The following DLGAP2 variants were observed in gnomAD, a reference collection of about 807,000 sequenced individuals.
The protein encoded by DLGAP2 is DLG associated protein 2, also known as disks large-associated protein 2.
In DLGAP2, 26 loss-of-function variants were observed where a neutral mutation model predicts 100.3. The ratio of observed to expected loss-of-function variants is 0.26; its 90% CI spans 0.19 to 0.36. DLGAP2 has a LOEUF of 0.36. DLGAP2 is among the 10% of genes least tolerant of loss of function. The probability of loss-of-function intolerance (pLI) is 1.00; values close to 1 mark genes in which losing one functional copy is unlikely to be tolerated. For synonymous variants in DLGAP2, 886 were observed against 630.1 expected (o/e 1.41, Z -6.08); for missense variants, 1,858 against 1,453.2 (o/e 1.28, Z -4.53).
intron 3 of DLGAP2, among the ~76,000 whole-genome samples, chr8:1,388,212 A>C (rs1411124674): frequency 1.0e-5 from 1 of 96,414 alleles, no homozygotes; most frequent in Non-Finnish European, 2.0e-5. Context: ...ACCGTGGATG[A>C]GGAGGCGCTG....
At chr8:929,069 C>T (rs1419808075) in intron 2 of DLGAP2, among the ~76,000 whole-genome samples, 4 of 107,332 alleles carry the variant, frequency 3.7e-5, no homozygotes, top group Admixed American at 9.4e-5. Context: ...CCAGAACCCC[C>T]GGCCATTCCC....
intron 2 of DLGAP2, among the ~76,000 whole-genome samples, chr8:1,094,801 T>C (rs1386868708): frequency 6.6e-6 from 1 of 152,208 alleles, no homozygotes; most frequent in African/African-American, 2.4e-5. Context: ...CACAGAAGGC[T>C]TATATTAGGA....
At chr8:858,970 G>A (rs1200021357) in intron 1 of DLGAP2, among the ~76,000 whole-genome samples, 1 of 152,188 alleles carries the variant, frequency 6.6e-6, no homozygotes, top group East Asian at 1.9e-4. Context: ...GTGGGGAGGA[G>A]GGGTTATATG....
chr8:1,386,163 A>G (rs1585323404), intron 3 of DLGAP2, among the ~76,000 whole-genome samples: 1 of 152,376 alleles, frequency 6.6e-6, no homozygotes, highest in South Asian at 2.1e-4. Context: ...GTGACTTTGC[A>G]AAAACTCCAA....
intron 5 of DLGAP2, among the ~76,000 whole-genome samples, chr8:1,552,156 C>T (rs563609825): frequency 3.3e-5 from 5 of 152,348 alleles, no homozygotes; most frequent in South Asian, 2.1e-4. Context: ...CTCCCTCTCA[C>T]GTCCACTCAG....
intron 2 of DLGAP2, among the ~76,000 whole-genome samples, chr8:1,212,354 G>T (rs1798122822): frequency 6.6e-6 from 1 of 152,204 alleles, no homozygotes; most frequent in Non-Finnish European, 1.5e-5. Context: ...CTTCCTCTCA[G>T]GCTGAGACCC....
At chr8:1,320,986 T>TGCATCCGTGTGCCTCTGCGTGTGTGTGG (rs1800885606) in intron 3 of DLGAP2, among the ~76,000 whole-genome samples, 1 of 152,128 alleles carries the variant, frequency 6.6e-6, no homozygotes, top group African/African-American at 2.4e-5. Context: ...CATGTGTGCG[T>TGCATCCGTGTGCCTCTGCGTGTGTGTGG]GCATCCGTGT....
intron 3 of DLGAP2, among the ~76,000 whole-genome samples, chr8:1,413,461 A>T (rs931856859): frequency 6.6e-6 from 1 of 152,232 alleles, no homozygotes; most frequent in Non-Finnish European, 1.5e-5. Flanking sequence ...AGCAAAAGTC[A>T]CTATGCATAT....
intron 2 of DLGAP2, among the ~76,000 whole-genome samples, chr8:955,107 T>G (rs1799567191): frequency 6.6e-6 from 1 of 151,884 alleles, no homozygotes; most frequent in Non-Finnish European, 1.5e-5. Context: ...GCCATGAGAG[T>G]TTGAAGGTTT....
At chr8:753,716 G>A (rs1417581766) in intron 1 of DLGAP2, 2 of 152,242 alleles carry the variant, frequency 1.3e-5, no homozygotes, top group Non-Finnish European at 1.5e-5. Flanking sequence ...CGGCTCACCA[G>A]ATGGAGCCTT....
At chr8:1,405,330 G>A (rs1185549299) in intron 3 of DLGAP2, among the ~76,000 whole-genome samples, 2 of 16,220 alleles carry the variant, frequency 1.2e-4, no homozygotes, top group African/African-American at 4.2e-4. Context: ...CTTACTGAGC[G>A]CTCCCTCATC....
At chr8:1,689,261 C>T (rs374971680) in intron 12 of DLGAP2, among the ~76,000 whole-genome samples, 1 of 152,266 alleles carries the variant, frequency 6.6e-6, no homozygotes, top group East Asian at 1.9e-4. Context: ...TGGCCCGACC[C>T]GGACCCCGTG....
At chr8:1,673,790 C>A (rs936792125) in intron 10 of DLGAP2, among the ~76,000 whole-genome samples, 89 of 152,320 alleles carry the variant, frequency 5.8e-4, no homozygotes, top group African/African-American at 2.1e-3. Context: ...GTAGCAGAAT[C>A]TGACCAGCTC....
chr8:1,458,407 C>G (rs921053540), intron 3 of DLGAP2, among the ~76,000 whole-genome samples: 1 of 152,136 alleles, frequency 6.6e-6, no homozygotes, highest in Admixed American at 6.5e-5. Flanking sequence ...ATGTATCATA[C>G]CTGGCCTTTT....
chr8:1,098,774 C>T (rs1585057400), intron 2 of DLGAP2, among the ~76,000 whole-genome samples: 1 of 140,434 alleles, frequency 7.1e-6, no homozygotes, highest in African/African-American at 2.6e-5. Context: ...CCGCCACCCA[C>T]GCCAGGCTCC....
chr8:1,108,511 C>T (rs975912163), intron 2 of DLGAP2, among the ~76,000 whole-genome samples: 13 of 151,452 alleles, frequency 8.6e-5, no homozygotes, highest in Non-Finnish European at 1.8e-4. Context: ...TGTGCTGGGT[C>T]TGTGAGGTGT....
At chr8:998,447 T>C (rs1800850314) in intron 2 of DLGAP2, among the ~76,000 whole-genome samples, 2 of 151,480 alleles carry the variant, frequency 1.3e-5, no homozygotes, top group African/African-American at 4.8e-5. Context: ...ACTACAGGTG[T>C]GAGCCACTAT....
chr8:1,247,365 G>T (rs1798934631), intron 2 of DLGAP2, among the ~76,000 whole-genome samples: 1 of 110,742 alleles, frequency 9.0e-6, no homozygotes, highest in Non-Finnish European at 2.0e-5. Flanking sequence ...ACATCAGTGT[G>T]GGAGTGATGG....
chr8:878,702 C>T (rs375046628), intron 1 of DLGAP2, among the ~76,000 whole-genome samples: 1 of 152,042 alleles, frequency 6.6e-6, no homozygotes, highest in Non-Finnish European at 1.5e-5. Context: ...GGAGTGAGTT[C>T]TCCTGGGAAT....
Sources: allele counts gnomAD v4.1 joint callset (sites outside exome capture counted in the v4.1 genomes callset), GRCh38; gene constraint gnomAD v4.1.1; transcripts MANE v1.5; gene names NCBI Gene and HGNC (gene_info 2026-07-23, HGNC 2026-07-21).